Variants in PCCA observed in about 807,000 individuals in gnomAD.
PCCA encodes propionyl-CoA carboxylase subunit alpha.
Under a neutral mutation model 101.3 loss-of-function variants are expected in PCCA, and 74 were observed. The ratio of observed to expected loss-of-function variants is 0.73; its 90% CI spans 0.61 to 0.89. The LOEUF (loss-of-function observed/expected upper bound fraction) is 0.89, where lower values mean the gene tolerates loss of function less well. PCCA is among the 40% of genes least tolerant of loss of function. The pLI is 0.00. For synonymous variants in PCCA, 294 were observed against 313.6 expected (o/e 0.94, Z 0.66); for missense variants, 891 against 907.0 (o/e 0.98, Z 0.23).
chr13:100,324,703 C>A (rs2068452884), intron 16 of PCCA, among the ~76,000 whole-genome samples: 1 of 152,206 alleles, frequency 6.6e-6, no homozygotes, highest in African/African-American at 2.4e-5. Flanking sequence ...TTAAGATTCA[C>A]TGTAGTACAT....
rs796052018 is a variant in PCCA, at chr13:100,449,297, G to C, written c.1891G>C (p.Gly631Arg). 2.6e-6 allele frequency: 4 copies of C among 1,522,768 alleles called. No individual in the cohort carries two copies. In the Admixed American group the frequency reaches 7.9e-5, roughly 30 times the overall value. The allele number at this position is 1,522,768 out of a possible 1,614,324, so 94.3% of individuals were successfully genotyped here. A position where few individuals can be genotyped will look rare whatever the true frequency, so the allele number is the denominator to read the frequency against. ...TGGAAACATGAGCATTCAGTTTCTTGGTACAGTGGTAAGTATGAAATCATT... is the reference window on the plus strand; with the variant it reads ...TGGAAACATGAGCATTCAGTTTCTTCGTACAGTGGTAAGTATGAAATCATT... The part of the protein sequence containing the change: ...AGGNMSIQFL[G>R]TVYKVNILTR... The change falls in exon 21 of 24, where the codon GGT (glycine) becomes CGT (arginine). Residue 631 changes from glycine (G) to arginine (R), a missense_variant. Physicochemically the swap from Gly to Arg is moderately radical, Grantham distance 125 (BLOSUM62 -2). Coordinates refer to ENST00000376285, the MANE Select transcript of PCCA (RefSeq NM_000282.4).
In PCCA at chr13:100,111,842, CTT is replaced by C. The variant is rs773913840; in HGVS notation, c.188_189del (p.Phe63Ter). The C allele has an allele frequency of 6.2e-7, 1 of 1,605,094 alleles. No homozygotes were observed. Among genetic ancestry groups the C allele is most frequent in the African/African-American group, 1.3e-5 (1 of 74,816 alleles). On this transcript the variant is annotated frameshift_variant and splice_region_variant, in exon 3 of 24. Coordinates refer to ENST00000376285, the MANE Select transcript of PCCA (RefSeq NM_000282.4). LOFTEE classifies it high-confidence loss of function. ...TGAATGTGTTTTTTCTCTCTTCAGA[CTT>C]TTGATAAAATTCTTGTTGCTAATAG...
chr13:100,304,545 C>G (rs970196357), intron 14 of PCCA, among the ~76,000 whole-genome samples: 1 of 151,934 alleles, frequency 6.6e-6, no homozygotes, highest in Non-Finnish European at 1.5e-5. Flanking sequence ...GTAGACATGG[C>G]GGGCTGGGAG....
At chr13:100,112,886 A>AT (rs5806150) in intron 4 of PCCA, among the ~76,000 whole-genome samples, 14 of 151,972 alleles carry the variant, frequency 9.2e-5, no homozygotes, top group South Asian at 4.2e-4. Flanking sequence ...CACAGCAGGG[A>AT]TTTTTTTTAG....
At chr13:100,126,480 G>A (rs1262770569) in intron 4 of PCCA, among the ~76,000 whole-genome samples, 1 of 151,628 alleles carries the variant, frequency 6.6e-6, no homozygotes, top group Non-Finnish European at 1.5e-5. Flanking sequence ...ATGAACTATG[G>A]ACAAATCAAA....
Position 100,235,867 on chromosome 13 carries a change from C to T in PCCA, c.626C>T (p.Ala209Val), listed in dbSNP as rs754361697. The T allele has an allele frequency of 3.1e-6, 5 of 1,605,850 alleles. No homozygotes were observed. Among genetic ancestry groups the T allele is most frequent in the South Asian group, 2.2e-5 (2 of 90,880 alleles). The change falls in exon 8 of 24, where the codon GCA becomes GTA. Residue 209 changes from alanine (A) to valine (V), a missense_variant. Ala to Val is a moderately conservative substitution (Grantham distance 64). Coordinates refer to ENST00000376285, the MANE Select transcript of PCCA (RefSeq NM_000282.4). ...VKDAEEAVRI[A>V]REIGYPVMIK... Reference sequence around the variant, plus strand: ...GATGCAGAAGAAGCTGTCAGAATTGCAAGGGAAATTGGTAAGTCCTTAAAT... The same window carrying T: ...GATGCAGAAGAAGCTGTCAGAATTGTAAGGGAAATTGGTAAGTCCTTAAAT...
chr13:100,444,431 CTTTTTTTTTTTTTTTTTT>C (rs57941571), intron 20 of PCCA, among the ~76,000 whole-genome samples: 1 of 45,458 alleles, frequency 2.2e-5, no homozygotes, highest in African/African-American at 9.9e-5. Flanking sequence ...TTTGAACAAC[CTTTTTTTTTTTTTTTTTT>C]TTTTTTTTTT....
At chr13:100,151,131 AAAG>A in intron 4 of PCCA, 1 of 1,047,444 alleles carries the variant, frequency 9.5e-7, no homozygotes, top group South Asian at 1.5e-5. Flanking sequence ...AGACGGAAGA[AAAG>A]AAGTTTAATT....
intron 12 of PCCA, among the ~76,000 whole-genome samples, chr13:100,278,078 G>A (rs1462239439): frequency 1.3e-5 from 2 of 151,962 alleles, no homozygotes; most frequent in African/African-American, 4.8e-5. Flanking sequence ...ATTTTATTTT[G>A]TGACTATCTT....
intron 20 of PCCA, among the ~76,000 whole-genome samples, chr13:100,448,295 C>G (rs2080982587): frequency 6.6e-6 from 1 of 152,190 alleles, no homozygotes; most frequent in Non-Finnish European, 1.5e-5. Flanking sequence ...TGGGTCCAAG[C>G]AATTCTTCTG....
At chr13:100,448,956 C>A (rs2152925307) in intron 20 of PCCA, among the ~76,000 whole-genome samples, 1 of 152,358 alleles carries the variant, frequency 6.6e-6, no homozygotes. Context: ...TCCTCCCAGA[C>A]CTCCTCTTGG....
At chr13:100,418,950 C>T (rs1162667668) in intron 19 of PCCA, among the ~76,000 whole-genome samples, 1 of 151,948 alleles carries the variant, frequency 6.6e-6, no homozygotes, top group Non-Finnish European at 1.5e-5. Context: ...GCCTCCCCTT[C>T]TCTCTGCTCC....
intron 12 of PCCA, among the ~76,000 whole-genome samples, chr13:100,283,983 G>T (rs1473586839): frequency 1.3e-5 from 2 of 152,316 alleles, no homozygotes; most frequent in East Asian, 3.9e-4. Flanking sequence ...AGGACTGAGG[G>T]TGCCCGGGGC....
chr13:100,159,279 C>CG (rs990960692), intron 6 of PCCA, among the ~76,000 whole-genome samples: 4 of 151,314 alleles, frequency 2.6e-5, no homozygotes, highest in African/African-American at 9.7e-5. Context: ...TTAGTAGAGA[C>CG]GGGGTTTCAC....
At chr13:100,396,442 A>T (rs2077049160) in intron 19 of PCCA, among the ~76,000 whole-genome samples, 1 of 152,292 alleles carries the variant, frequency 6.6e-6, no homozygotes, top group East Asian at 1.9e-4. Context: ...TCCCTCTAAA[A>T]CACGGATATT....
intron 13 of PCCA, 42 bp from the exon 14 acceptor site, chr13:100,302,882 T>G: frequency 9.0e-7 from 1 of 1,111,238 alleles, no homozygotes; most frequent in Non-Finnish European, 1.4e-6. Flanking sequence ...TTGTGCTGAT[T>G]TATATTTCAA....
At chr13:100,225,714 T>C (rs1418680348) in intron 7 of PCCA, among the ~76,000 whole-genome samples, 18 of 152,208 alleles carry the variant, frequency 1.2e-4, no homozygotes, top group Admixed American at 1.2e-3. Flanking sequence ...AAAGGTTTTA[T>C]ATTTTGGAAA....
chr13:100,426,502 C>T (rs932768410), intron 20 of PCCA, among the ~76,000 whole-genome samples: 1 of 152,078 alleles, frequency 6.6e-6, no homozygotes, highest in East Asian at 1.9e-4. Context: ...GTTTTAAAAA[C>T]CTTGAGAAAT....
chr13:100,184,257 C>G (rs747902040), intron 6 of PCCA, among the ~76,000 whole-genome samples: 3 of 152,206 alleles, frequency 2.0e-5, no homozygotes, highest in South Asian at 2.1e-4. Flanking sequence ...ATACAGCCTA[C>G]ACAACCATAG....
Sources: gnomAD v4.1 joint callset for allele counts (sites outside exome capture counted in the v4.1 genomes callset) on GRCh38, gnomAD v4.1.1 for gene constraint, MANE v1.5 for transcripts, NCBI Gene and HGNC (gene_info 2026-07-23, HGNC 2026-07-21) for gene names.